The following CHRM3 variants were observed in gnomAD, a reference collection of about 807,000 sequenced individuals.
CHRM3 encodes the protein muscarinic acetylcholine receptor M3.
CHRM3 carries 11 observed loss-of-function variants against 41.8 expected under a neutral mutation model. The observed-to-expected ratio is 0.26, with a 90% confidence interval of 0.17 to 0.44. The LOEUF is 0.44. CHRM3 is among the 20% of genes least tolerant of loss of function. The pLI is 1.00. For missense variants in CHRM3, 571 were observed against 745.4 expected (o/e 0.77, Z 2.72); for synonymous variants, 297 against 301.4 (o/e 0.99, Z 0.15).
intron 1 of CHRM3, among the ~76,000 whole-genome samples, chr1:239,425,982 A>AT (rs1246380534): frequency 2.0e-5 from 3 of 151,754 alleles, no homozygotes; most frequent in South Asian, 4.2e-4. Context: ...CAGTAAGGCT[A>AT]TTTTTTTATT....
Position 239,524,169 on chromosome 1 carries a change from A to AATAT in CHRM3, c.-421-21459_-421-21456dup, listed in dbSNP as rs140863188. On this transcript the variant is annotated intron_variant, in intron 2 of 6. Transcript: ENST00000676153. ...ATTCTAGATCTTTACAGATTCAAAG[A>AATAT]ATATATATATATATATGCACACATA... Among the ~76,000 whole-genome samples, 15 of 150,186 alleles carry AATAT rather than the reference A, an allele frequency of 1.0e-4. No homozygotes were observed. In the South Asian group the frequency reaches 1.1e-3, roughly 11 times the overall value.
chr1:239,491,201 C>T (rs950858152), intron 1 of CHRM3, among the ~76,000 whole-genome samples: 13 of 152,152 alleles, frequency 8.5e-5, no homozygotes, highest in African/African-American at 3.1e-4. Flanking sequence ...TGAGAACATT[C>T]CAGATCTGCT....
chr1:239,860,181 A>G (rs909798025), intron 6 of CHRM3, among the ~76,000 whole-genome samples: 32 of 152,168 alleles, frequency 2.1e-4, no homozygotes, highest in African/African-American at 6.3e-4. Flanking sequence ...CTCTATTCCA[A>G]TGTCAGCTCT....
rs1340202928 is a variant in CHRM3, at chr1:239,765,818, CT to C, written c.-146-61419del. The stretch of plus-strand genomic sequence containing the variant: ...AATGAATGAGTATTTTCTTTTTTAT[CT>C]TTTTTTTTTTTTTTGAGATGGAGTT... On this transcript the variant is annotated intron_variant, in intron 5 of 6. Transcript: ENST00000676153. 5.4e-3 allele frequency among the ~76,000 whole-genome samples: 760 copies of C among 140,216 alleles called. 2 individuals are homozygous for C. Among genetic ancestry groups the C allele is most frequent in the African/African-American group, 9.6e-3 (368 of 38,144 alleles). The allele number at this position is 140,216 out of a possible 152,430, so 92.0% of individuals were successfully genotyped here.
chr1:239,689,876 T>C (rs955411778), intron 5 of CHRM3, among the ~76,000 whole-genome samples: 1 of 152,134 alleles, frequency 6.6e-6, no homozygotes, highest in Non-Finnish European at 1.5e-5. Context: ...CATGTTATTT[T>C]ATGCCAATTC....
At chr1:239,482,978 G>A (rs547167541) in intron 1 of CHRM3, among the ~76,000 whole-genome samples, 6 of 152,158 alleles carry the variant, frequency 3.9e-5, no homozygotes, top group East Asian at 3.9e-4. Flanking sequence ...GAAAGCCACC[G>A]TGCTATTCGC....
At chr1:239,448,592 T>G (rs1483405350) in intron 1 of CHRM3, among the ~76,000 whole-genome samples, 1 of 152,152 alleles carries the variant, frequency 6.6e-6, no homozygotes, top group Non-Finnish European at 1.5e-5. Flanking sequence ...TTTTATCTCA[T>G]ATGAGAAAAG....
chr1:239,587,432 CG>C (rs1558343108), intron 3 of CHRM3, among the ~76,000 whole-genome samples: 1 of 152,194 alleles, frequency 6.6e-6, no homozygotes, highest in African/African-American at 2.4e-5. Context: ...CCTCCCCTCC[CG>C]CTTTGCCTTC....
chr1:239,684,037 G>T (rs1051870105), intron 5 of CHRM3, among the ~76,000 whole-genome samples: 10 of 152,152 alleles, frequency 6.6e-5, no homozygotes, highest in African/African-American at 2.4e-4. Flanking sequence ...GTGCCTCAGG[G>T]AATAAGTAAT....
chr1:239,894,663 G>A (rs569438338), intron 6 of CHRM3, among the ~76,000 whole-genome samples: 52 of 151,772 alleles, frequency 3.4e-4, no homozygotes, highest in African/African-American at 1.1e-3. Flanking sequence ...GAACTCATGC[G>A]CTCAAGTGAT....
At chr1:239,707,881 A>AT (rs1290479699) in intron 5 of CHRM3, 1 of 152,246 alleles carries the variant, frequency 6.6e-6, no homozygotes, top group African/African-American at 2.4e-5. Context: ...ATAGAAGAGT[A>AT]TTGGGCCTTG....
rs557236945 is a variant in CHRM3 at position 239,636,680 on chromosome 1, G to A, written c.-250+4394G>A. On this transcript the variant is annotated intron_variant, in intron 4 of 6. Transcript: ENST00000676153. ...ATGTTTGGAAAATGTTAAAAAAATGGAAGCTGATCTGTTGAGGAGAAAAAT... is the reference window on the plus strand; with the variant it reads ...ATGTTTGGAAAATGTTAAAAAAATGAAAGCTGATCTGTTGAGGAGAAAAAT... 3.0e-4 allele frequency among the ~76,000 whole-genome samples: 46 copies of A among 152,272 alleles called. 1 individual carries two copies. The South Asian group carries it at 6.6e-3, about 22-fold the overall frequency.
chr1:239,519,883 GACCACAGGCACCCGCC>G (rs1163940974), intron 2 of CHRM3, among the ~76,000 whole-genome samples: 2 of 151,222 alleles, frequency 1.3e-5, no homozygotes, highest in Non-Finnish European at 2.9e-5. Flanking sequence ...TAGTAGCTGG[GACCACAGGCACCCGCC>G]ACCACACCCC....
At chr1:239,696,359 G>T (rs1660189281) in intron 5 of CHRM3, among the ~76,000 whole-genome samples, 2 of 152,140 alleles carry the variant, frequency 1.3e-5, no homozygotes, top group African/African-American at 4.8e-5. Flanking sequence ...ATAAAAATTT[G>T]CGCTGTCATC....
chr1:239,863,256 C>T (rs1370187614), intron 6 of CHRM3, among the ~76,000 whole-genome samples: 1 of 152,166 alleles, frequency 6.6e-6, no homozygotes, highest in Non-Finnish European at 1.5e-5. Flanking sequence ...GTAGCAACCG[C>T]CTTCAAAGGA....
chr1:239,807,055 G>T (rs747898124), intron 5 of CHRM3, among the ~76,000 whole-genome samples: 4 of 152,122 alleles, frequency 2.6e-5, no homozygotes, highest in Non-Finnish European at 5.9e-5. Flanking sequence ...TTTATTTGGG[G>T]TTGGTATTAG....
Position 239,795,297 on chromosome 1 carries a change from A to C in CHRM3, c.-146-31955A>C, listed in dbSNP as rs150829118. On this transcript the variant is annotated intron_variant, in intron 5 of 6. Coordinates refer to ENST00000676153, the MANE Select transcript of CHRM3 (RefSeq NM_001375978.1). ...TTACTAACCAAGGTGGATTTAAAGG[A>C]TATTTTAATTGACGATCCTTAAAGT... 8.6e-3 allele frequency among the ~76,000 whole-genome samples: 1,312 copies of C among 152,318 alleles called. 23 individuals carry two copies. The highest frequency in any genetic ancestry group is 0.03 in the African/African-American group (1,266 of 41,584).
chr1:239,600,167 T>A (rs1429737745), intron 3 of CHRM3, among the ~76,000 whole-genome samples: 1 of 152,124 alleles, frequency 6.6e-6, no homozygotes, highest in Non-Finnish European at 1.5e-5. Context: ...AAATCTCCAG[T>A]GTCTGCTCCT....
chr1:239,744,877 A>G (rs1665207774), intron 5 of CHRM3, among the ~76,000 whole-genome samples: 1 of 152,108 alleles, frequency 6.6e-6, no homozygotes, highest in South Asian at 2.1e-4. Context: ...TGAAGAGATG[A>G]TCCATTGGGG....
Sources: gnomAD v4.1 joint callset for allele counts (sites outside exome capture counted in the v4.1 genomes callset) on GRCh38, gnomAD v4.1.1 for gene constraint, MANE v1.5 for transcripts, NCBI Gene and HGNC (gene_info 2026-07-23, HGNC 2026-07-21) for gene names.